WDPCP: variants seen among roughly 807,000 people sequenced by gnomAD.
WDPCP encodes WD repeat-containing and planar cell polarity effector protein fritz homolog.
WDPCP carries 71 observed loss-of-function variants against 93.1 expected under a neutral mutation model. The observed-to-expected ratio is 0.76, with a 90% CI of 0.63 to 0.93. The LOEUF is 0.93. WDPCP is among the 40% of genes least tolerant of loss of function. The pLI is 0.00. For synonymous variants in WDPCP, 315 were observed against 315.0 expected (o/e 1.00, Z 0.00); for missense variants, 844 against 887.4 (o/e 0.95, Z 0.62).
upstream of WDPCP, chr2:63,588,604 G>C: frequency 5.8e-6 from 3 of 513,650 alleles, no homozygotes; most frequent in South Asian, 6.3e-5. Flanking sequence ...TGCAGTCTCA[G>C]TCACGCGCGT....
At chr2:63,496,914 C>A (rs1376917895) in intron 1 of WDPCP, among the ~76,000 whole-genome samples, 2 of 151,796 alleles carry the variant, frequency 1.3e-5, no homozygotes, top group African/African-American at 4.8e-5. Context: ...GAGTTCGAGA[C>A]CAGCCTGGCC....
chr2:63,484,735 A>C, intron 5 of WDPCP, 72 bp from the exon 6 acceptor site: 3 of 1,590,434 alleles, frequency 1.9e-6, no homozygotes, highest in Non-Finnish European at 2.6e-6. Flanking sequence ...AGTGCCTCTG[A>C]TTTGCAAGCA....
chr2:63,168,434 C>T (rs1673152816), intron 15 of WDPCP, among the ~76,000 whole-genome samples: 1 of 152,038 alleles, frequency 6.6e-6, no homozygotes, highest in Admixed American at 6.6e-5. Flanking sequence ...GTCTTTCTTA[C>T]AGTACATAGC....
chr2:63,327,238 G>C (rs1238170554), intron 12 of WDPCP, among the ~76,000 whole-genome samples: 1 of 152,134 alleles, frequency 6.6e-6, no homozygotes, highest in East Asian at 1.9e-4. Context: ...TCAAACCTGC[G>C]AGTTGTTTGC....
At chr2:63,228,381 CTTTTTCTTT>C (rs1393457222) in intron 14 of WDPCP, 4 of 113,782 alleles carry the variant, frequency 3.5e-5, no homozygotes, top group Non-Finnish European at 7.7e-5. Context: ...TGTTCTTTTT[CTTTTTCTTT>C]TTTTTTTTTT....
intron 1 of WDPCP, among the ~76,000 whole-genome samples, chr2:63,520,081 A>G (rs533281619): frequency 1.4e-4 from 21 of 152,360 alleles, no homozygotes; most frequent in African/African-American, 4.3e-4. Flanking sequence ...CAGGAATTTC[A>G]TAATTAAATC....
chr2:63,764,354 TTGAG>T (rs1156739707), intron 2 of WDPCP, among the ~76,000 whole-genome samples: 4 of 152,100 alleles, frequency 2.6e-5, no homozygotes, highest in Non-Finnish European at 1.5e-5. Context: ...CTGTGATCCT[TTGAG>T]TGATGCCGTG....
intron 3 of WDPCP, among the ~76,000 whole-genome samples, chr2:63,596,892 CT>C (rs1323206446): frequency 3.3e-5 from 5 of 152,152 alleles, no homozygotes; most frequent in Admixed American, 1.3e-4. Context: ...CTCTTTAAAC[CT>C]CAGTGTCTCC....
chr2:63,607,838 AAAAAG>A (rs1347622001), intron 3 of WDPCP, among the ~76,000 whole-genome samples: 2 of 151,936 alleles, frequency 1.3e-5, no homozygotes, highest in African/African-American at 4.8e-5. Context: ...AAAAAAAAAA[AAAAAG>A]AAGAAAAGAA....
intron 1 of WDPCP, among the ~76,000 whole-genome samples, chr2:63,576,537 C>A (rs1335816651): frequency 6.6e-6 from 1 of 152,248 alleles, no homozygotes. Flanking sequence ...AGCTGTTCAA[C>A]TATCCAGAAG....
intron 15 of WDPCP, 39 bp from the exon 16 acceptor site, chr2:63,153,613 A>G: frequency 6.7e-7 from 1 of 1,502,736 alleles, no homozygotes; most frequent in Non-Finnish European, 9.2e-7. Context: ...AAAAGGATTA[A>G]AAAAGAAAAT....
chr2:63,211,421 A>G (rs1328799067), intron 14 of WDPCP, among the ~76,000 whole-genome samples: 1 of 152,212 alleles, frequency 6.6e-6, no homozygotes, highest in Admixed American at 6.5e-5. Flanking sequence ...AAGGAAAACT[A>G]ACAAACAGAA....
intron 6 of WDPCP, among the ~76,000 whole-genome samples, chr2:63,478,875 A>C (rs1340359586): frequency 6.6e-6 from 1 of 152,086 alleles, no homozygotes; most frequent in Non-Finnish European, 1.5e-5. Flanking sequence ...ACAACAACAA[A>C]AACACACACG....
chr2:63,733,188 T>C (rs1669586362), intron 2 of WDPCP, among the ~76,000 whole-genome samples: 1 of 138,050 alleles, frequency 7.2e-6, no homozygotes, highest in Non-Finnish European at 1.6e-5. Flanking sequence ...AAATGATTTT[T>C]TTTTTTTTTT....
At chr2:63,699,461 G>A (rs1035810846) in intron 2 of WDPCP, among the ~76,000 whole-genome samples, 1 of 152,206 alleles carries the variant, frequency 6.6e-6, no homozygotes, top group African/African-American at 2.4e-5. Flanking sequence ...TTACAAAGAA[G>A]GAACTGAGAG....
chr2:63,525,435 T>A (rs1263801783), intron 1 of WDPCP, among the ~76,000 whole-genome samples: 1 of 152,064 alleles, frequency 6.6e-6, no homozygotes, highest in Non-Finnish European at 1.5e-5. Flanking sequence ...GAATAAAAAG[T>A]CTCTTTCTCT....
At chr2:63,126,657 T>A (rs1254046338) in intron 17 of WDPCP, among the ~76,000 whole-genome samples, 2 of 150,450 alleles carry the variant, frequency 1.3e-5, no homozygotes, top group African/African-American at 4.9e-5. Flanking sequence ...ACTGTGCAAC[T>A]TGTTTTGTGT....
At chr2:63,606,009 C>T in intron 3 of WDPCP, 1 of 1,614,032 alleles carries the variant, frequency 6.2e-7, no homozygotes, top group Non-Finnish European at 8.5e-7. Context: ...CTGCTCTACT[C>T]ATTCCCTGTT....
intron 2 of WDPCP, chr2:63,717,747 G>A (rs539341661): frequency 4.0e-5 from 16 of 396,198 alleles, no homozygotes; most frequent in African/African-American, 8.4e-5. Flanking sequence ...CCAGTACTGC[G>A]GTATGATGGA....
Sources: allele counts gnomAD v4.1 joint callset (sites outside exome capture counted in the v4.1 genomes callset), GRCh38; gene constraint gnomAD v4.1.1; transcripts MANE v1.5; gene names NCBI Gene and HGNC (gene_info 2026-07-23, HGNC 2026-07-21).